CHEK2: variants seen among roughly 807,000 people sequenced by gnomAD.
The protein encoded by CHEK2 is checkpoint kinase 2.
A neutral mutation model predicts 69.1 loss-of-function variants in CHEK2; 71 were observed. The ratio of observed to expected loss-of-function variants is 1.03; its 90% CI spans 0.85 to 1.25. The LOEUF (loss-of-function observed/expected upper bound fraction) is 1.25. Ranked by LOEUF, CHEK2 falls within the 50% of genes most tolerant of loss-of-function variation. CHEK2 has a pLI of 0.00. For missense variants in CHEK2, 664 were observed against 649.6 expected, an observed-to-expected ratio of 1.02 and a Z score of -0.24; for synonymous variants, 189 against 226.9, an observed-to-expected ratio of 0.83 and a Z score of 1.50.
At chr22:28,688,216 G>A (rs1015177808) in intron 14 of CHEK2, among the ~76,000 whole-genome samples, 8 of 152,106 alleles carry the variant, frequency 5.3e-5, no homozygotes, top group Non-Finnish European at 1.0e-4. Context: ...ACCTCTGAAC[G>A]ATGTATACTG....
In CHEK2 at chr22:28,689,413, G is replaced by A. The variant is rs17883639; in HGVS notation, c.1462-198C>T. On this transcript the variant is annotated intron_variant, in intron 13 of 14. Transcript: ENST00000404276. ...CAGAGGAGTCTAATTAGCAGTCAATGCTCCATCAATCCTGGCTGACTCACA... is the reference window on the plus strand; with the variant it reads ...CAGAGGAGTCTAATTAGCAGTCAATACTCCATCAATCCTGGCTGACTCACA... The A allele has an allele frequency of 0.02, 11,918 of 598,718 alleles. 151 individuals carry two copies. The highest frequency in any genetic ancestry group is 0.027 in the Non-Finnish European group (8,567 of 320,974). The allele number at this position is 598,718 out of a possible 1,614,324, so 37.1% of individuals were successfully genotyped here. A position where few individuals can be genotyped will look rare whatever the true frequency, so the allele number is the denominator to read the frequency against.
intron 1 of CHEK2, chr22:28,737,388 G>A (rs1200757323): frequency 2.5e-6 from 1 of 407,222 alleles, no homozygotes; most frequent in African/African-American, 2.1e-5. Context: ...AGCATCTTTT[G>A]CTTTGGGGCC....
At chr22:28,696,256 C>T (rs776528494) in intron 10 of CHEK2, among the ~76,000 whole-genome samples, 2 of 152,210 alleles carry the variant, frequency 1.3e-5, no homozygotes, top group East Asian at 3.8e-4. Flanking sequence ...CATGCTTATA[C>T]CTGAGTGCCA....
chr22:28,712,064 T>C (rs762884141), intron 5 of CHEK2, 47 bp from the exon 6 acceptor site: 27 of 1,324,668 alleles, frequency 2.0e-5, no homozygotes, highest in Non-Finnish European at 2.9e-5. Flanking sequence ...TTTTTAATTA[T>C]GAGACCTACC....
chr22:28,707,699 A>G (rs574241220), intron 7 of CHEK2, among the ~76,000 whole-genome samples: 1 of 152,322 alleles, frequency 6.6e-6, no homozygotes, highest in South Asian at 2.1e-4. Flanking sequence ...GTAAAATGCA[A>G]ATAAATATGT....
chr22:28,716,224 T>C (rs1437034852), intron 5 of CHEK2, among the ~76,000 whole-genome samples: 3 of 144,484 alleles, frequency 2.1e-5, no homozygotes, highest in African/African-American at 7.8e-5. Context: ...TGAGACAGAG[T>C]CTCACTCTGT....
chr22:28,714,032 C>G (rs2053503057), intron 5 of CHEK2, among the ~76,000 whole-genome samples: 1 of 152,186 alleles, frequency 6.6e-6, no homozygotes, highest in African/African-American at 2.4e-5. Context: ...AGGAGAATTT[C>G]TGAGTCACGT....
At chr22:28,740,145 G>A (rs2054515430) in intron 1 of CHEK2, among the ~76,000 whole-genome samples, 1 of 152,152 alleles carries the variant, frequency 6.6e-6, no homozygotes, top group Non-Finnish European at 1.5e-5. Context: ...AGGTTGCAGT[G>A]AGCCGAGATC....
intron 7 of CHEK2, chr22:28,708,962 A>G (rs1157731337): frequency 2.4e-6 from 1 of 419,080 alleles, no homozygotes; most frequent in South Asian, 1.7e-5. Context: ...CAAAAAAAAA[A>G]AAAAAAAAAA....
chr22:28,695,079 A>C (rs998944106), intron 12 of CHEK2, 48 bp downstream of exon 12: 1 of 1,142,142 alleles, frequency 8.8e-7, no homozygotes, highest in Admixed American at 1.7e-5. Context: ...ACCACAGCAC[A>C]TACACATTTT....
chr22:28,705,906 G>C (rs2145899461), intron 7 of CHEK2, among the ~76,000 whole-genome samples: 1 of 152,002 alleles, frequency 6.6e-6, no homozygotes, highest in South Asian at 2.1e-4. Flanking sequence ...TCGCGCCATG[G>C]CACTCTAGCC....
intron 10 of CHEK2, among the ~76,000 whole-genome samples, chr22:28,696,168 A>C (rs1266809854): frequency 6.6e-6 from 1 of 152,158 alleles, no homozygotes; most frequent in Admixed American, 6.6e-5. Flanking sequence ...TCAGGATTCT[A>C]ATTAGTTCTA....
At position 28,719,394 on chromosome 22, in the gene CHEK2, C is replaced by A. The variant is rs786203650; in HGVS notation, c.683+1G>T. 1.9e-6 allele frequency: 3 copies of A among 1,544,842 alleles called. No individual in the cohort carries two copies. Among genetic ancestry groups the A allele is most frequent in the Admixed American group, 1.8e-5 (1 of 55,670 alleles). On this transcript the variant is annotated splice_donor_variant, in intron 5 of 14. Coordinates refer to ENST00000404276, the MANE Select transcript of CHEK2 (RefSeq NM_007194.4). LOFTEE classifies it high-confidence loss of function. ...TGCATTTATATAAGAAAATAATTTA[C>A]CTTCCAAGAGTTTTTGACATGATGT... is the stretch of plus-strand genomic sequence containing the variant.
In CHEK2 at chr22:28,730,333, G is replaced by C. The variant is rs1176250307; in HGVS notation, c.319+4070C>G. ...AAGGAAAGCAGAAGGGAAAGGAAAG[G>C]AAAGGAAAAAAGAAAGGGGAAAGGG... On this transcript the variant is annotated intron_variant, in intron 2 of 14. Coordinates refer to ENST00000404276, the MANE Select transcript of CHEK2 (RefSeq NM_007194.4). The C allele has an allele frequency of 8.5e-6, 4 of 469,606 alleles. No homozygotes were observed. The Admixed American group carries it at 1.4e-4, about 17-fold the overall frequency. The allele number at this position is 469,606 out of a possible 1,614,324, so 29.1% of individuals were successfully genotyped here.
chr22:28,695,818 A>G lies in CHEK2; in HGVS notation c.1151T>C (p.Leu384Ser). 2 of 1,613,874 alleles carry G rather than the reference A, an allele frequency of 1.2e-6. No individual in the cohort carries two copies. The highest frequency in any genetic ancestry group is 1.7e-6 in the Non-Finnish European group (2 of 1,179,748). The change falls in exon 11 of 15, where the codon TTA becomes TCA. Residue 384 changes from leucine (L) to serine (S), a missense_variant. Leu to Ser is a moderately radical substitution (Grantham distance 145, BLOSUM62 -2). Transcript: ENST00000404276. ...ILGETSLMRT[L>S]CGTPTYLAPE... The stretch of plus-strand genomic sequence containing the variant: ...CGCCAAGTAGGTGGGGGTTCCACAT[A>G]AGGTTCTCATGAGAGAGGTCTCTCC...
intron 7 of CHEK2, among the ~76,000 whole-genome samples, chr22:28,705,178 A>C (rs929067019): frequency 6.7e-6 from 1 of 149,602 alleles, no homozygotes; most frequent in Non-Finnish European, 1.5e-5. Context: ...TCCCGGGTTC[A>C]CGCCATTCTC....
At chr22:28,714,377 T>C (rs2053516467) in intron 5 of CHEK2, among the ~76,000 whole-genome samples, 1 of 152,184 alleles carries the variant, frequency 6.6e-6, no homozygotes, top group Non-Finnish European at 1.5e-5. Flanking sequence ...GAGGGAAATG[T>C]CTATTCAAGC....
chr22:28,735,855 C>G (rs916431340), intron 1 of CHEK2, among the ~76,000 whole-genome samples: 4 of 151,622 alleles, frequency 2.6e-5, no homozygotes, highest in African/African-American at 9.7e-5. Context: ...GCACTCCAGC[C>G]TGGGTGACAG....
At chr22:28,695,639 G>C (rs2052543448) in intron 11 of CHEK2, 71 bp downstream of exon 11, 2 of 1,346,536 alleles carry the variant, frequency 1.5e-6, no homozygotes, top group Non-Finnish European at 2.1e-6. Flanking sequence ...CTGGACAACA[G>C]AGCAAGACAC....
Sources: allele counts gnomAD v4.1 joint callset (sites outside exome capture counted in the v4.1 genomes callset), GRCh38; gene constraint gnomAD v4.1.1; transcripts MANE v1.5; gene names NCBI Gene and HGNC (gene_info 2026-07-23, HGNC 2026-07-21).